PASK: variants seen among roughly 807,000 people sequenced by gnomAD.
PASK encodes PAS domain-containing serine/threonine-protein kinase.
PASK carries 110 observed loss-of-function variants against 121.0 expected under a neutral mutation model. The observed-to-expected ratio is 0.91, with a 90% CI of 0.78 to 1.06. The LOEUF (loss-of-function observed/expected upper bound fraction) is 1.06, where lower values mean the gene tolerates loss of function less well. Ranked by LOEUF, PASK falls within the 50% of genes least tolerant of loss-of-function variation. The pLI is 0.00. For synonymous variants in PASK, 686 were observed against 717.8 expected, an observed-to-expected ratio of 0.96 and a Z score of 0.71; for missense variants, 1,643 against 1,702.3, an observed-to-expected ratio of 0.97 and a Z score of 0.61.
intron 12 of PASK, among the ~76,000 whole-genome samples, chr2:241,118,562 T>G (rs1357627804): frequency 6.9e-6 from 1 of 145,162 alleles, no homozygotes. Context: ...AAGACTTACA[T>G]GTAAAATCTA....
intron 12 of PASK, chr2:241,119,073 C>T: frequency 5.0e-6 from 2 of 400,356 alleles, no homozygotes; most frequent in Non-Finnish European, 6.9e-6. Context: ...GGATTCAAGT[C>T]GGGAGGGAAG....
intron 15 of PASK, chr2:241,109,559 AGGGG>A (rs2065022583): frequency 7.9e-6 from 1 of 125,940 alleles, no homozygotes; most frequent in African/African-American, 2.8e-5. Flanking sequence ...AGGGGAGGGG[AGGGG>A]AGGGCTCAAG....
At chr2:241,122,954 G>A in intron 11 of PASK, 55 bp from the exon 12 acceptor site, 5 of 1,569,446 alleles carry the variant, frequency 3.2e-6, no homozygotes, top group Non-Finnish European at 3.5e-6. Flanking sequence ...GGGCAGAGGT[G>A]CAGCACCCAC....
At position 241,115,149 on chromosome 2, in the gene PASK, A is replaced by T; in HGVS notation, c.3227T>A (p.Phe1076Tyr). 7 of 1,614,140 alleles carry T rather than the reference A, an allele frequency of 4.3e-6. No individual in the cohort carries two copies. The highest frequency in any genetic ancestry group is 5.9e-6 in the Non-Finnish European group (7 of 1,179,980). ...GTGCTTCTCCATCACAAGCTGGAAG[A>T]ACCCTTGGTTTTCAAATATATCCAA... The part of the protein sequence containing the change: ...KVLDIFENQG[F>Y]FQLVMEKHGS... The change falls in exon 14 of 18, where the codon TTC becomes TAC. Residue 1076 changes from phenylalanine to tyrosine, a missense_variant. Physicochemically the swap from Phe to Tyr is conservative, Grantham distance 22 (BLOSUM62 3). Around this residue, in one of 3 missense-constraint regions of PASK, gnomAD observed 453 missense variants for 511.2 expected, o/e 0.89. Coordinates refer to ENST00000234040, the MANE Select transcript of PASK (RefSeq NM_015148.4).
chr2:241,138,519 C>A (rs2066550578), intron 5 of PASK, 135 bp downstream of exon 5: 2 of 1,016,426 alleles, frequency 2.0e-6, no homozygotes, highest in South Asian at 1.4e-5. Flanking sequence ...AGCGAGGGTA[C>A]CACTGGGCAG....
rs1324031050 is a variant in PASK, at chr2:241,108,544, T to C, written c.3534-244A>G. 5.4e-6 allele frequency: 3 copies of C among 555,392 alleles called. No individual in the cohort carries two copies. The highest frequency in any genetic ancestry group is 9.8e-6 in the Non-Finnish European group (3 of 306,788). 34.4% of individuals were successfully genotyped at this position (555,392 alleles called of 1,614,324 possible). A position where few individuals can be genotyped will look rare whatever the true frequency, so the allele number is the denominator to read the frequency against. ...GGCAGCTCCGAGGCTAATCAGGAAC[T>C]TCCTTGTGGACACCAACCACAAGAC... On this transcript the variant is annotated intron_variant, in intron 15 of 17. Coordinates refer to ENST00000234040, the MANE Select transcript of PASK (RefSeq NM_015148.4). This position sits in a 1 kb window ranked among gnomAD's most constrained non-coding sequence, Gnocchi z 5.2.
At chr2:241,140,871 A>T in intron 2 of PASK, 118 bp from the exon 3 acceptor site, 1 of 732,532 alleles carries the variant, frequency 1.4e-6, no homozygotes, top group Non-Finnish European at 2.5e-6. Context: ...CTAAGGATTA[A>T]GTCAGTCTGC....
At chr2:241,107,596 T>C (rs1191246123) in intron 16 of PASK, 97 bp from the exon 17 acceptor site, 3 of 1,245,768 alleles carry the variant, frequency 2.4e-6, no homozygotes, top group East Asian at 4.6e-5. Context: ...GCAGAGCCTC[T>C]GACTGGGCAG....
At chr2:241,128,013 C>T (rs2125431208) in intron 9 of PASK, among the ~76,000 whole-genome samples, 2 of 152,376 alleles carry the variant, frequency 1.3e-5, no homozygotes, top group Non-Finnish European at 2.9e-5. Context: ...GGCGTGGTGG[C>T]TCACGCCTGT....
chr2:241,150,189 C>T, upstream of PASK: 1 of 1,275,146 alleles, frequency 7.8e-7, no homozygotes, highest in Non-Finnish European at 9.9e-7. Context: ...TCTGCCTAGA[C>T]GTCCACTCCG....
At chr2:241,140,143 G>T in intron 3 of PASK, 88 bp from the exon 4 acceptor site, 1 of 1,048,960 alleles carries the variant, frequency 9.5e-7, no homozygotes, top group Non-Finnish European at 1.5e-6. Context: ...CCATGCAGAA[G>T]CCAGCCTTTT....
intron 12 of PASK, among the ~76,000 whole-genome samples, chr2:241,117,462 C>T (rs1189776677): frequency 6.6e-6 from 1 of 152,186 alleles, no homozygotes; most frequent in East Asian, 1.9e-4. Flanking sequence ...GCCAAGGAGA[C>T]AAGAGGGCAG....
In PASK at chr2:241,108,657, G is replaced by T; in HGVS notation, c.3534-357C>A. The T allele has an allele frequency of 2.6e-6, 1 of 381,030 alleles. No individual in the cohort carries two copies. Among genetic ancestry groups the T allele is most frequent in the Non-Finnish European group, 5.0e-6 (1 of 199,246 alleles). 23.6% of individuals were successfully genotyped at this position (381,030 alleles called of 1,614,324 possible). ...GGCTTTGCTGAGGGCCACGGGAGCT[G>T]CAGGCCACTTCAGAACAGGGTCACG... On this transcript the variant is annotated intron_variant, in intron 15 of 17. Coordinates refer to ENST00000234040, the MANE Select transcript of PASK (RefSeq NM_015148.4). The surrounding 1 kb of genome is among the most constrained non-coding windows in gnomAD (Gnocchi z 5.2).
intron 2 of PASK, among the ~76,000 whole-genome samples, chr2:241,141,671 G>A (rs1194058241): frequency 6.6e-6 from 1 of 152,006 alleles, no homozygotes; most frequent in Admixed American, 6.6e-5. Flanking sequence ...CGGCCCACTC[G>A]CCTGCTTCCC....
Position 241,108,320 on chromosome 2 carries a change from T to C in PASK, c.3534-20A>G. ...CTGTAGCTGTGAGGAGGAGGAGGCA[T>C]CAGGACGCCACGGCACTCAGCGCAG... On this transcript the variant is annotated intron_variant, in intron 15 of 17. Transcript: ENST00000234040. This position sits in a 1 kb window ranked among gnomAD's most constrained non-coding sequence, Gnocchi z 5.2. 6.2e-7 allele frequency: 1 copy of C among 1,613,654 alleles called. No individual in the cohort carries two copies. Among genetic ancestry groups the C allele is most frequent in the Non-Finnish European group, 8.5e-7 (1 of 1,179,838 alleles).
intron 14 of PASK, chr2:241,114,510 C>T: frequency 3.0e-6 from 3 of 1,001,852 alleles, no homozygotes; most frequent in Non-Finnish European, 3.6e-6. Context: ...GGGTGCCTTC[C>T]TATTTGGATC....
rs148133709 is a variant in PASK at position 241,126,290 on chromosome 2, G to A, written c.2625C>T (p.Pro875=). 3.7e-5 allele frequency: 59 copies of A among 1,614,186 alleles called. No individual in the cohort carries two copies. The highest frequency in any genetic ancestry group is 3.3e-4 in the Middle Eastern group (2 of 6,060). Residue 875 remains proline (P), a synonymous_variant, in exon 10 of 18, where the codon CCC becomes CCT. Transcript: ENST00000234040. ...CAGCAGCCCCGCGCATCACGATCACGGGCGTGGAGGTGACCTGGACGTTCA... is the reference window on the plus strand; with the variant it reads ...CAGCAGCCCCGCGCATCACGATCACAGGCGTGGAGGTGACCTGGACGTTCA... ...PRLNVQVTST[P]VIVMRGAAGL... is the part of the protein sequence containing the mutation.
chr2:241,144,977 G>A (rs781728299), intron 1 of PASK, among the ~76,000 whole-genome samples: 2 of 152,026 alleles, frequency 1.3e-5, no homozygotes, highest in African/African-American at 2.4e-5. Flanking sequence ...GCAGTGGCGC[G>A]ACTTCGGCTC....
chr2:241,130,033 C>T (rs1353766859), intron 9 of PASK, among the ~76,000 whole-genome samples: 2 of 152,226 alleles, frequency 1.3e-5, no homozygotes, highest in Non-Finnish European at 2.9e-5. Flanking sequence ...AGACAACTTA[C>T]GAGGAAGCAC....
Sources: allele counts gnomAD v4.1 joint callset (sites outside exome capture counted in the v4.1 genomes callset), GRCh38; gene constraint gnomAD v4.1.1; regional missense constraint gnomAD v4.1.1; non-coding constraint Gnocchi (gnomAD v3.1); transcripts MANE v1.5; gene names NCBI Gene and HGNC (gene_info 2026-07-23, HGNC 2026-07-21).